The following CSGALNACT1 variants were observed in gnomAD, a reference collection of about 807,000 sequenced individuals.
The protein encoded by CSGALNACT1 is beta4GalNAcT-1.
In CSGALNACT1, 52 loss-of-function variants were observed where a neutral mutation model predicts 51.0. The ratio of observed to expected loss-of-function variants is 1.02; its 90% CI spans 0.82 to 1.29. The LOEUF is 1.29. Ranked by LOEUF, CSGALNACT1 falls within the 50% of genes most tolerant of loss-of-function variation. CSGALNACT1 has a pLI of 0.00. For missense variants in CSGALNACT1, 935 were observed against 679.2 expected (o/e 1.38, Z -4.19); for synonymous variants, 341 against 254.4 (o/e 1.34, Z -3.24).
At chr8:19,607,099 G>A (rs778910044), upstream of CSGALNACT1, among the ~76,000 whole-genome samples, 1 of 151,544 alleles carries the variant, frequency 6.6e-6, no homozygotes, top group Non-Finnish European at 1.5e-5. Flanking sequence ...AGTGTGCAGC[G>A]AGCTGAGAAC....
chr8:19,684,731 C>T (rs1416309093), upstream of CSGALNACT1, among the ~76,000 whole-genome samples: 1 of 152,116 alleles, frequency 6.6e-6, no homozygotes, highest in East Asian at 1.9e-4. Flanking sequence ...AGCCAGGTTC[C>T]AATCAAAAAG....
At chr8:19,580,128 C>T (rs917648400) in intron 3 of CSGALNACT1, among the ~76,000 whole-genome samples, 1 of 152,172 alleles carries the variant, frequency 6.6e-6, no homozygotes, top group African/African-American at 2.4e-5. Context: ...CAGCTGCAGC[C>T]CAAAGCCTGG....
chr8:19,482,623 C>T (rs777606005), intron 4 of CSGALNACT1, among the ~76,000 whole-genome samples: 1 of 152,166 alleles, frequency 6.6e-6, no homozygotes, highest in Non-Finnish European at 1.5e-5. Context: ...CCCTCTTTGG[C>T]TGTTCCTTTA....
chr8:19,471,097 AAACAAAAC>A (rs2153863441), intron 4 of CSGALNACT1, among the ~76,000 whole-genome samples: 1 of 152,226 alleles, frequency 6.6e-6, no homozygotes, highest in South Asian at 2.1e-4. Flanking sequence ...CTCTGTCTCA[AAACAAAAC>A]AACAAAACAA....
chr8:19,407,219 C>A (rs1264521523), intron 9 of CSGALNACT1, among the ~76,000 whole-genome samples: 1 of 151,840 alleles, frequency 6.6e-6, no homozygotes, highest in African/African-American at 2.4e-5. Flanking sequence ...CTGGTGATTT[C>A]CTTGGGGGGT....
At chr8:19,743,731 C>G (rs572602479) in intron 1 of CSGALNACT1, among the ~76,000 whole-genome samples, 6 of 152,110 alleles carry the variant, frequency 3.9e-5, no homozygotes, top group Non-Finnish European at 8.8e-5. Context: ...TGATTTAAAG[C>G]AACTTTAAGA....
At chr8:19,555,310 G>A (rs755718340) in intron 3 of CSGALNACT1, among the ~76,000 whole-genome samples, 2 of 152,038 alleles carry the variant, frequency 1.3e-5, no homozygotes, top group Non-Finnish European at 2.9e-5. Flanking sequence ...GCTCTCTAAG[G>A]GGGACCATCA....
intron 1 of CSGALNACT1, chr8:19,678,817 G>A (rs945790014): frequency 6.6e-6 from 1 of 152,186 alleles, no homozygotes; most frequent in South Asian, 2.1e-4. Flanking sequence ...CATCCAAAAG[G>A]ACAAGACCTG....
intron 1 of CSGALNACT1, among the ~76,000 whole-genome samples, chr8:19,632,669 T>A (rs2975421): frequency 2.0e-5 from 3 of 152,150 alleles, no homozygotes; most frequent in Non-Finnish European, 2.9e-5. Flanking sequence ...ACTGAAATAC[T>A]CACATCTCAG....
intron 3 of CSGALNACT1, among the ~76,000 whole-genome samples, chr8:19,536,747 A>G (rs1432626266): frequency 6.6e-6 from 1 of 152,230 alleles, no homozygotes; most frequent in South Asian, 2.1e-4. Context: ...TCAGTCTACT[A>G]GTTTCAAGAA....
upstream of CSGALNACT1, chr8:19,682,902 A>G (rs780647783): frequency 3.7e-5 from 13 of 351,508 alleles, no homozygotes; most frequent in Non-Finnish European, 6.2e-5. Context: ...AAGCAACCCC[A>G]TGACCATATA....
At chr8:19,749,927 C>T (rs575499030) in intron 1 of CSGALNACT1, among the ~76,000 whole-genome samples, 1 of 152,332 alleles carries the variant, frequency 6.6e-6, no homozygotes, top group South Asian at 2.1e-4. Context: ...GGCAATGCAC[C>T]AATCTGGAGA....
chr8:19,533,847 A>C (rs947812839), intron 3 of CSGALNACT1, among the ~76,000 whole-genome samples: 1 of 152,174 alleles, frequency 6.6e-6, no homozygotes, highest in Non-Finnish European at 1.5e-5. Flanking sequence ...ATACATGGAA[A>C]ACAAAGCTTA....
chr8:19,653,290 T>C (rs1458222436), intron 1 of CSGALNACT1, among the ~76,000 whole-genome samples: 1 of 152,204 alleles, frequency 6.6e-6, no homozygotes, highest in Non-Finnish European at 1.5e-5. Context: ...CACACAGCGC[T>C]GTTGACATCG....
At chr8:19,668,713 C>A (rs1020800014) in intron 1 of CSGALNACT1, among the ~76,000 whole-genome samples, 1 of 152,086 alleles carries the variant, frequency 6.6e-6, no homozygotes, top group Admixed American at 6.5e-5. Flanking sequence ...CGCCACCATG[C>A]CTGGCTGATT....
upstream of CSGALNACT1, among the ~76,000 whole-genome samples, chr8:19,606,461 T>G (rs1362187306): frequency 1.3e-5 from 2 of 152,224 alleles, no homozygotes; most frequent in Admixed American, 1.3e-4. Flanking sequence ...TGTGTGTTAC[T>G]ATACAATATC....
chr8:19,552,278 TTAAGA>T (rs937221337), intron 3 of CSGALNACT1, among the ~76,000 whole-genome samples: 7 of 152,198 alleles, frequency 4.6e-5, no homozygotes, highest in Non-Finnish European at 8.8e-5. Flanking sequence ...GAAAGTGGAC[TTAAGA>T]TATCACATAA....
intron 1 of CSGALNACT1, among the ~76,000 whole-genome samples, chr8:19,627,777 G>A (rs2054637252): frequency 6.6e-6 from 1 of 152,158 alleles, no homozygotes; most frequent in Admixed American, 6.5e-5. Context: ...GTGAGCTATG[G>A]TTACACCACT....
In CSGALNACT1 at chr8:19,469,385, T is replaced by C. The variant is rs565021968; in HGVS notation, c.635-10743A>G. ...CAGCCTGGGTGACAGAGCAACACCCTGTCTCAAAAAAAGAAAGAGAAAGAA... is the reference window on the plus strand; with the variant it reads ...CAGCCTGGGTGACAGAGCAACACCCCGTCTCAAAAAAAGAAAGAGAAAGAA... On this transcript the variant is annotated intron_variant, in intron 4 of 9. Coordinates refer to ENST00000454498, the Ensembl canonical transcript of CSGALNACT1. Among the ~76,000 whole-genome samples the C allele has an allele frequency of 3.3e-5, 5 of 152,122 alleles. No homozygotes were observed. The East Asian group carries it at 7.7e-4, about 24-fold the overall frequency.
Sources: gnomAD v4.1 joint callset for allele counts (sites outside exome capture counted in the v4.1 genomes callset) on GRCh38, gnomAD v4.1.1 for gene constraint, MANE v1.5 for transcripts, NCBI Gene and HGNC (gene_info 2026-07-23, HGNC 2026-07-21) for gene names.